Variants in SEMA3A observed in about 807,000 individuals in gnomAD.
The protein encoded by SEMA3A is semaphorin-3A.
SEMA3A carries 29 observed loss-of-function variants against 97.9 expected under a neutral mutation model. That is an observed-to-expected ratio of 0.30 (90% CI 0.22 to 0.40). SEMA3A has a LOEUF of 0.40. Ranked by LOEUF, SEMA3A falls within the 10% of genes least tolerant of loss-of-function variation. The pLI is 1.00. For missense variants in SEMA3A, 763 were observed against 951.3 expected, an observed-to-expected ratio of 0.80 and a Z score of 2.60; for synonymous variants, 321 against 323.7, an observed-to-expected ratio of 0.99 and a Z score of 0.09.
intron 1 of SEMA3A, among the ~76,000 whole-genome samples, chr7:84,409,142 C>G (rs930526980): frequency 3.3e-5 from 5 of 150,348 alleles, no homozygotes; most frequent in Admixed American, 2.0e-4. Context: ...CAATAGGACA[C>G]TATCATTAAA....
intron 6 of SEMA3A, among the ~76,000 whole-genome samples, chr7:84,026,988 A>G (rs1791570913): frequency 6.6e-6 from 1 of 152,124 alleles, no homozygotes; most frequent in Admixed American, 6.6e-5. Context: ...GTGTACCCCC[A>G]AACCTAAAAT....
At chr7:84,030,678 T>C (rs929644179) in intron 6 of SEMA3A, among the ~76,000 whole-genome samples, 1 of 152,128 alleles carries the variant, frequency 6.6e-6, no homozygotes, top group African/African-American at 2.4e-5. Flanking sequence ...GAAAGAACAA[T>C]TATAATAACA....
Position 83,964,126 on chromosome 7 carries a change from T to A in SEMA3A, c.1718-779A>T, listed in dbSNP as rs569031975. ...TTTCCTGATTAAGTTTCTATTATTT[T>A]ACCCTTTATGTAACCTCCTCCAATG... On this transcript the variant is annotated intron_variant, in intron 15 of 16. Coordinates refer to ENST00000265362, the MANE Select transcript of SEMA3A (RefSeq NM_006080.3). Among the ~76,000 whole-genome samples the A allele has an allele frequency of 4.6e-5, 7 of 152,304 alleles. No homozygotes were observed. The East Asian group carries it at 1.4e-3, about 29-fold the overall frequency.
chr7:84,048,301 T>A (rs1433171768), intron 5 of SEMA3A, among the ~76,000 whole-genome samples: 3 of 151,974 alleles, frequency 2.0e-5, no homozygotes, highest in African/African-American at 7.2e-5. Context: ...AGCCCTTTTC[T>A]GAAAATGCAA....
chr7:84,473,596 C>T (rs1442342776), intron 1 of SEMA3A, among the ~76,000 whole-genome samples: 1 of 151,822 alleles, frequency 6.6e-6, no homozygotes, highest in Non-Finnish European at 1.5e-5. Flanking sequence ...AACATACTAA[C>T]CAGGCTGGAC....
intron 1 of SEMA3A, among the ~76,000 whole-genome samples, chr7:84,177,145 A>G (rs1028410197): frequency 6.6e-6 from 1 of 152,196 alleles, no homozygotes; most frequent in Non-Finnish European, 1.5e-5. Flanking sequence ...TTGAAAGAAT[A>G]AACCCATAAT....
chr7:84,395,391 C>T (rs1449145647), intron 1 of SEMA3A, among the ~76,000 whole-genome samples: 1 of 150,554 alleles, frequency 6.6e-6, no homozygotes, highest in Non-Finnish European at 1.5e-5. Flanking sequence ...TGAAAACTAG[C>T]AGAAGTATAC....
At chr7:84,093,029 T>C (rs1794645747) in intron 4 of SEMA3A, among the ~76,000 whole-genome samples, 2 of 152,188 alleles carry the variant, frequency 1.3e-5, no homozygotes, top group South Asian at 2.1e-4. Flanking sequence ...ATATTTGATA[T>C]ATGTCAAATA....
At chr7:84,153,110 A>G (rs183702938) in intron 1 of SEMA3A, among the ~76,000 whole-genome samples, 91 of 152,274 alleles carry the variant, frequency 6.0e-4, no homozygotes, top group African/African-American at 2.1e-3. Flanking sequence ...AATCTAAAAA[A>G]TGCTACACTC....
At chr7:84,154,679 G>GA (rs143774288) in intron 1 of SEMA3A, among the ~76,000 whole-genome samples, 11 of 112,166 alleles carry the variant, frequency 9.8e-5, no homozygotes, top group South Asian at 2.7e-4. Flanking sequence ...TAGTCTCAGG[G>GA]AAAAAAAAAA....
At chr7:84,471,837 T>C (rs1584348621) in intron 1 of SEMA3A, among the ~76,000 whole-genome samples, 1 of 152,190 alleles carries the variant, frequency 6.6e-6, no homozygotes, top group Middle Eastern at 3.4e-3. Context: ...AAATCTTTTT[T>C]TAGATCCCTT....
At chr7:84,052,316 A>G (rs1413850668) in intron 5 of SEMA3A, among the ~76,000 whole-genome samples, 1 of 152,192 alleles carries the variant, frequency 6.6e-6, no homozygotes, top group Non-Finnish European at 1.5e-5. Flanking sequence ...CTCTGGTACA[A>G]TTCGGCTGTG....
intron 6 of SEMA3A, among the ~76,000 whole-genome samples, chr7:84,031,571 C>T (rs536834906): frequency 6.6e-5 from 10 of 152,032 alleles, no homozygotes; most frequent in South Asian, 4.2e-4. Flanking sequence ...CGGTGGCTCA[C>T]GCCTGTAATC....
At chr7:84,405,800 T>G (rs1804067429) in intron 1 of SEMA3A, among the ~76,000 whole-genome samples, 1 of 152,162 alleles carries the variant, frequency 6.6e-6, no homozygotes, top group African/African-American at 2.4e-5. Flanking sequence ...GAATGACTAC[T>G]GGGTACATAA....
At chr7:84,406,836 T>G (rs1804104692) in intron 1 of SEMA3A, among the ~76,000 whole-genome samples, 1 of 152,114 alleles carries the variant, frequency 6.6e-6, no homozygotes, top group Admixed American at 6.5e-5. Context: ...AAAAGGCCTT[T>G]GACAAAATTC....
chr7:84,404,752 A>G (rs1323373526), intron 1 of SEMA3A, among the ~76,000 whole-genome samples: 2 of 152,322 alleles, frequency 1.3e-5, no homozygotes, highest in Admixed American at 1.3e-4. Flanking sequence ...ACATTCTTAA[A>G]GGAAAGAATT....
chr7:84,004,799 T>C (rs1376195888), intron 11 of SEMA3A, among the ~76,000 whole-genome samples: 1 of 152,210 alleles, frequency 6.6e-6, no homozygotes, highest in Non-Finnish European at 1.5e-5. Context: ...TTTAGTCATT[T>C]ATTAAAGGTG....
rs539845359 is a variant in SEMA3A, at chr7:84,263,027, T to G, written c.-83+44180A>C. On this transcript the variant is annotated intron_variant, in intron 3 of 3. Coordinates refer to the SEMA3A transcript ENST00000424555. ...GTAATGTTGGGTATAACATATAAAT[T>G]TATAAGTCTTCTTAAATGTGACATA... is the stretch of plus-strand genomic sequence containing the variant. Among the ~76,000 whole-genome samples, 114 of 152,302 alleles carry G rather than the reference T, an allele frequency of 7.5e-4. 2 individuals carry two copies. The South Asian group carries it at 0.023, about 30-fold the overall frequency.
intron 2 of SEMA3A, among the ~76,000 whole-genome samples, chr7:84,321,892 AAAAAAAAGAAG>A (rs1562902762): frequency 2.5e-5 from 3 of 121,352 alleles, no homozygotes; most frequent in African/African-American, 8.9e-5. Flanking sequence ...AAAAAAAAAA[AAAAAAAAGAAG>A]AAGAAGAAGG....
Sources: gnomAD v4.1 joint callset for allele counts (sites outside exome capture counted in the v4.1 genomes callset) on GRCh38, gnomAD v4.1.1 for gene constraint, MANE v1.5 for transcripts, NCBI Gene and HGNC (gene_info 2026-07-23, HGNC 2026-07-21) for gene names.